Variants in PRR3 observed in about 807,000 individuals in gnomAD.
The protein encoded by PRR3 is proline-rich protein 3.
PRR3 carries 16 observed loss-of-function variants against 22.4 expected under a neutral mutation model. The observed-to-expected ratio is 0.71, with a 90% CI of 0.48 to 1.09. The LOEUF (loss-of-function observed/expected upper bound fraction) is 1.09, where lower values mean the gene tolerates loss of function less well. Among genes scored for constraint, PRR3 ranks in the 50% least tolerant of loss-of-function variants. The pLI is 0.00. For missense variants in PRR3, 224 were observed against 243.4 expected (o/e 0.92, Z 0.53); for synonymous variants, 87 against 88.6 (o/e 0.98, Z 0.10).
At chr6:30,556,984 T>TA (rs1800264954), upstream of PRR3, 1 of 644,784 alleles carries the variant, frequency 1.6e-6, no homozygotes, top group Non-Finnish European at 2.8e-6. The surrounding 1 kb of genome is among the most constrained non-coding windows in gnomAD (Gnocchi z 5.7). Context: ...GTGGCGATCT[T>TA]ACGGTGCGAC....
rs1422574346 is a variant in PRR3 at position 30,562,720 on chromosome 6, G to A, written c.*225G>A. ...ATCCAGCCTGTAGAGACTCGCCTTT[G>A]GGACCCATCTTTGCTTCCTTTCAGT... On this transcript the variant is annotated 3_prime_UTR_variant, in exon 4 of 4. Coordinates refer to ENST00000376560, the MANE Select transcript of PRR3 (RefSeq NM_025263.4). 3.6e-5 allele frequency: 15 copies of A among 414,374 alleles called. No homozygotes were observed. Among genetic ancestry groups the A allele is most frequent in the Non-Finnish European group, 8.6e-6 (2 of 232,988 alleles). 25.7% of individuals were successfully genotyped at this position (414,374 alleles called of 1,614,324 possible).
At position 30,562,444 on chromosome 6, in the gene PRR3, T is replaced by G; in HGVS notation, c.516T>G (p.Tyr172Ter). The change falls in exon 4 of 4, where the codon TAT becomes TAG. Residue 172 changes from tyrosine (Y) to a stop codon, truncating the protein, a stop_gained. Transcript: ENST00000376560. LOFTEE classifies it high-confidence loss of function. ...RHFAKKGHCRYEDLCAFYHPG... is the reference protein window; with the variant it reads ...RHFAKKGHCR Reference sequence around the variant, plus strand: ...TTGCCAAAAAGGGCCACTGTCGATATGAGGACCTCTGTGCCTTCTACCATC... The same window carrying G: ...TTGCCAAAAAGGGCCACTGTCGATAGGAGGACCTCTGTGCCTTCTACCATC... 6.2e-7 allele frequency: 1 copy of G among 1,614,198 alleles called. No homozygotes were observed. Among genetic ancestry groups the G allele is most frequent in the Non-Finnish European group, 8.5e-7 (1 of 1,179,998 alleles).
rs1800755157 is a variant in PRR3 at position 30,563,099 on chromosome 6, G to C, written c.*604G>C. The C allele has an allele frequency of 6.6e-6, 1 of 152,616 alleles. No individual in the cohort carries two copies. Among genetic ancestry groups the C allele is most frequent in the Non-Finnish European group, 1.5e-5 (1 of 68,080 alleles). The allele number at this position is 152,616 out of a possible 1,614,324, so 9.5% of individuals were successfully genotyped here. A position where few individuals can be genotyped will look rare whatever the true frequency, so the allele number is the denominator to read the frequency against. On this transcript the variant is annotated 3_prime_UTR_variant, in exon 4 of 4. Transcript: ENST00000376560. ...ATCCCCACCGCTATGGTCTATCTAT[G>C]ATCACCGTGCTTTGTGAAACTGTGC...
upstream of PRR3, chr6:30,556,891 A>C (rs1293455367): frequency 1.2e-5 from 7 of 600,976 alleles, no homozygotes. This position sits in a 1 kb window ranked among gnomAD's most constrained non-coding sequence, Gnocchi z 5.7. Flanking sequence ...AGGGAAACCC[A>C]AGCGGGACAA....
At chr6:30,557,209 C>A, upstream of PRR3, 2 of 761,444 alleles carry the variant, frequency 2.6e-6, no homozygotes, top group Non-Finnish European at 2.3e-6. Flanking sequence ...CAGATGTTCT[C>A]CGCAACCTTC....
In PRR3 at chr6:30,562,391, A is replaced by C; in HGVS notation, c.463A>C (p.Lys155Gln). The change falls in exon 4 of 4, where the codon AAA becomes CAA. Residue 155 changes from lysine to glutamine, a missense_variant and splice_region_variant. Transcript: ENST00000376560. ...GTTCCATTTTCACTTGTTCACAGAC[A>C]AATCCGACCGCCCTGTCTGCCGACA... ...PKDDPQVMED[K>Q]SDRPVCRHFA... 1 of 1,613,052 alleles carries C rather than the reference A, an allele frequency of 6.2e-7. No individual in the cohort carries two copies. The highest frequency in any genetic ancestry group is 8.5e-7 in the Non-Finnish European group (1 of 1,179,212).
chr6:30,557,126 A>C (rs1306188928), upstream of PRR3: 1 of 702,676 alleles, frequency 1.4e-6, no homozygotes, highest in South Asian at 1.5e-5. Context: ...AACGCAGCAA[A>C]GGGAAGGTGT....
upstream of PRR3, chr6:30,557,060 T>C (rs901341501): frequency 1.4e-6 from 1 of 701,354 alleles, no homozygotes; most frequent in Non-Finnish European, 2.6e-6. Flanking sequence ...GAGGAGCTGG[T>C]TGTGGTGTTT....
upstream of PRR3, chr6:30,556,801 G>A (rs532313855): frequency 2.3e-5 from 11 of 480,324 alleles, no homozygotes; most frequent in Non-Finnish European, 4.2e-5. The surrounding 1 kb of genome is among the most constrained non-coding windows in gnomAD (Gnocchi z 5.7). Flanking sequence ...CCTGGGTGCC[G>A]ACCTGTTGGG....
chr6:30,556,977 G>T, upstream of PRR3: 1 of 639,958 alleles, frequency 1.6e-6, no homozygotes, highest in South Asian at 1.8e-5. This position sits in a 1 kb window ranked among gnomAD's most constrained non-coding sequence, Gnocchi z 5.7. Flanking sequence ...ACCGGATGTG[G>T]CGATCTTACG....
chr6:30,561,911 A>G lies in PRR3; in HGVS notation c.247A>G (p.Arg83Gly). 6.2e-7 allele frequency: 1 copy of G among 1,612,342 alleles called. No individual in the cohort carries two copies. Among genetic ancestry groups the G allele is most frequent in the Non-Finnish European group, 8.5e-7 (1 of 1,179,714 alleles). The change falls in exon 3 of 4, where the codon AGA (arginine) becomes GGA (glycine). Residue 83 changes from arginine (R) to glycine (G), a missense_variant. Transcript: ENST00000376560. The surrounding 1 kb of genome is among the most constrained non-coding windows in gnomAD (Gnocchi z 4.0). ...GAGTCTCCCACCTCCTCCTTGGGGT[A>G]GAGGCCCAATTCGGAGAGGGCTTGG... ...LLSLPPPPWG[R>G]GPIRRGLGPR...
At position 30,561,493 on chromosome 6, in the gene PRR3, T is replaced by C; in HGVS notation, c.170-341T>C. ...GATGTTGAGCGAAAGGAGCCAGACA[T>C]AAAAGAATGCAGACTGTATGATTCC... On this transcript the variant is annotated intron_variant, in intron 2 of 3. Coordinates refer to ENST00000376560, the MANE Select transcript of PRR3 (RefSeq NM_025263.4). The surrounding 1 kb of genome is among the most constrained non-coding windows in gnomAD (Gnocchi z 4.0). 1.8e-6 allele frequency: 1 copy of C among 556,508 alleles called. No individual in the cohort carries two copies. The highest frequency in any genetic ancestry group is 3.4e-6 in the Non-Finnish European group (1 of 295,136). The allele number at this position is 556,508 out of a possible 1,614,324, so 34.5% of individuals were successfully genotyped here.
intron 1 of PRR3, 54 bp downstream of exon 1, chr6:30,557,504 G>A (rs1045433042): frequency 1.6e-6 from 2 of 1,278,832 alleles, no homozygotes; most frequent in South Asian, 1.3e-5. Context: ...CCGGGCAAGG[G>A]GCTAGGGGCT....
rs1225807743 is a variant in PRR3, at chr6:30,563,475, A to G, written c.*980A>G. 6.6e-6 allele frequency: 1 copy of G among 152,524 alleles called. No homozygotes were observed. Among genetic ancestry groups the G allele is most frequent in the African/African-American group, 2.4e-5 (1 of 41,400 alleles). The allele number at this position is 152,524 out of a possible 1,614,324, so 9.4% of individuals were successfully genotyped here. A position where few individuals can be genotyped will look rare whatever the true frequency, so the allele number is the denominator to read the frequency against. ...TCCACCTTGCCTATCTTTGGGTAGA[A>G]GCTGGACAGTACTGTTGCCCTCTTC... On this transcript the variant is annotated 3_prime_UTR_variant, in exon 4 of 4. Transcript: ENST00000376560.
Position 30,561,814 on chromosome 6 carries a change from C to G in PRR3, c.170-20C>G, listed in dbSNP as rs775587506. ...GCCCATTAGACACCTTTCTGTGTCT[C>G]TCTCTCTCTCTCTCTCCAGCTCTTC... On this transcript the variant is annotated intron_variant, in intron 2 of 3. Coordinates refer to ENST00000376560, the MANE Select transcript of PRR3 (RefSeq NM_025263.4). The surrounding 1 kb of genome is among the most constrained non-coding windows in gnomAD (Gnocchi z 4.0). 16 of 1,439,552 alleles carry G rather than the reference C, an allele frequency of 1.1e-5. No homozygotes were observed. Among genetic ancestry groups the G allele is most frequent in the Middle Eastern group, 1.8e-4 (1 of 5,498 alleles). The allele number at this position is 1,439,552 out of a possible 1,614,324, so 89.2% of individuals were successfully genotyped here.
upstream of PRR3, chr6:30,557,263 C>T (rs1800301421): frequency 9.4e-7 from 1 of 1,066,108 alleles, no homozygotes; most frequent in East Asian, 2.6e-5. Flanking sequence ...GCCCACCGAC[C>T]CCCCGGAAGC....
rs1348628779 is a variant in PRR3, at chr6:30,557,423, G to A, written c.79G>A (p.Gly27Arg). Residue 27 changes from glycine to arginine, a missense_variant, in exon 1 of 4, where the codon GGA becomes AGA. Gly to Arg is a moderately radical substitution (Grantham distance 125, BLOSUM62 -2). Transcript: ENST00000376560. ...QPPLPEREET[G>R]DEEDGSPIGP... ...CCCGCTGCCCGAGCGGGAAGAGACT[G>A]GAGATGAGGAGGATGGGAGTCCCAT... 2.5e-6 allele frequency: 4 copies of A among 1,611,932 alleles called. No individual in the cohort carries two copies. The highest frequency in any genetic ancestry group is 2.2e-5 in the South Asian group (2 of 90,956).
In PRR3 at chr6:30,562,459, C is replaced by T. The variant is rs766608550; in HGVS notation, c.531C>T (p.Ala177=). 13 of 1,613,878 alleles carry T rather than the reference C, an allele frequency of 8.1e-6. No homozygotes were observed. Among genetic ancestry groups the T allele is most frequent in the Non-Finnish European group, 7.6e-6 (9 of 1,179,734 alleles). Residue 177 remains alanine, a synonymous_variant, in exon 4 of 4, where the codon GCC becomes GCT. Transcript: ENST00000376560. ...ACTGTCGATATGAGGACCTCTGTGCCTTCTACCATCCAGGCGTCAATGGAC... is the reference window on the plus strand; with the variant it reads ...ACTGTCGATATGAGGACCTCTGTGCTTTCTACCATCCAGGCGTCAATGGAC... ...KGHCRYEDLC[A]FYHPGVNGPP... is the part of the protein sequence containing the mutation.
chr6:30,557,726 G>C (rs910055597), intron 1 of PRR3, among the ~76,000 whole-genome samples: 3 of 152,218 alleles, frequency 2.0e-5, no homozygotes, highest in Non-Finnish European at 4.4e-5. Context: ...TAGGGGAAAG[G>C]GGTAGTAGAG....
Sources: allele counts gnomAD v4.1 joint callset (sites outside exome capture counted in the v4.1 genomes callset), GRCh38; gene constraint gnomAD v4.1.1; non-coding constraint Gnocchi (gnomAD v3.1); transcripts MANE v1.5; gene names NCBI Gene and HGNC (gene_info 2026-07-23, HGNC 2026-07-21).